SYNPR: variants seen among roughly 807,000 people sequenced by gnomAD.
SYNPR encodes synaptoporin.
Under a neutral mutation model 32.9 loss-of-function variants are expected in SYNPR, and 23 were observed. The ratio of observed to expected loss-of-function variants is 0.70; its 90% CI spans 0.50 to 0.99. SYNPR has a LOEUF of 0.99. SYNPR is among the 50% of genes least tolerant of loss of function. The pLI, the probability that SYNPR is intolerant of heterozygous loss-of-function variation, is 0.00. For missense variants in SYNPR, 318 were observed against 349.3 expected, an observed-to-expected ratio of 0.91 and a Z score of 0.71; for synonymous variants, 146 against 135.9, an observed-to-expected ratio of 1.07 and a Z score of -0.52.
chr3:63,552,149 C>T (rs886581980), intron 3 of SYNPR, among the ~76,000 whole-genome samples: 2 of 151,922 alleles, frequency 1.3e-5, no homozygotes, highest in Non-Finnish European at 2.9e-5. Flanking sequence ...CTGCCTGCCT[C>T]GGCCTCCCAA....
At chr3:63,448,502 C>G (rs1262186660) in intron 2 of SYNPR, among the ~76,000 whole-genome samples, 2 of 152,198 alleles carry the variant, frequency 1.3e-5, no homozygotes, top group African/African-American at 4.8e-5. Context: ...GTTGAACCCA[C>G]ACATCTTTAT....
At chr3:63,402,185 T>A (rs1364805377) in intron 2 of SYNPR, among the ~76,000 whole-genome samples, 1 of 152,126 alleles carries the variant, frequency 6.6e-6, no homozygotes, top group Admixed American at 6.5e-5. Flanking sequence ...TTGGGCTGGA[T>A]AATTCTTCAT....
upstream of SYNPR, among the ~76,000 whole-genome samples, chr3:63,275,501 T>G (rs1303154692): frequency 6.6e-6 from 1 of 152,172 alleles, no homozygotes; most frequent in Admixed American, 6.5e-5. Flanking sequence ...TATGCCACCA[T>G]ATTAGTCAGA....
At chr3:63,420,016 A>G (rs4563405) in intron 2 of SYNPR, among the ~76,000 whole-genome samples, 4,501 of 152,304 alleles carry the variant, frequency 0.03, 219 homozygotes, top group African/African-American at 0.1. Flanking sequence ...TAACAAAGGG[A>G]GTGCAAGATC....
At chr3:63,281,633 C>T (rs2086630997) in intron 2 of SYNPR, among the ~76,000 whole-genome samples, 1 of 152,096 alleles carries the variant, frequency 6.6e-6, no homozygotes, top group African/African-American at 2.4e-5. Context: ...AACACTAATC[C>T]CATTCACAAG....
intron 5 of SYNPR, chr3:63,610,633 T>A (rs974477430): frequency 3.4e-5 from 19 of 561,864 alleles, no homozygotes; most frequent in Admixed American, 1.9e-4. Flanking sequence ...CACTTGTAAA[T>A]GAACACTTTG....
At chr3:63,520,960 G>A (rs1575689527) in intron 3 of SYNPR, among the ~76,000 whole-genome samples, 1 of 152,118 alleles carries the variant, frequency 6.6e-6, no homozygotes, top group South Asian at 2.1e-4. Flanking sequence ...TTGCACATTT[G>A]TGTCCATTTG....
At chr3:63,321,645 G>A (rs900298975) in intron 2 of SYNPR, among the ~76,000 whole-genome samples, 1 of 152,024 alleles carries the variant, frequency 6.6e-6, no homozygotes, top group Non-Finnish European at 1.5e-5. Context: ...GTACATAGCA[G>A]GTGCTTATTA....
chr3:63,538,856 C>T (rs969705629), intron 3 of SYNPR, among the ~76,000 whole-genome samples: 11 of 152,216 alleles, frequency 7.2e-5, no homozygotes, highest in African/African-American at 2.6e-4. Context: ...CTGATATAAT[C>T]TTCAATATGA....
chr3:63,478,808 G>A (rs1390509568), intron 2 of SYNPR, among the ~76,000 whole-genome samples: 3 of 152,166 alleles, frequency 2.0e-5, no homozygotes, highest in African/African-American at 4.8e-5. Context: ...TGGGGCTTTC[G>A]ACTCCATCAT....
At chr3:63,367,342 A>ATTATTTAT (rs3081092) in intron 2 of SYNPR, among the ~76,000 whole-genome samples, 25,317 of 143,564 alleles carry the variant, frequency 0.18, 2,656 homozygotes, top group East Asian at 0.57. Flanking sequence ...TCACTGTTGA[A>ATTATTTAT]TTATTTATTT....
At chr3:63,294,086 T>C (rs2086769974) in intron 2 of SYNPR, among the ~76,000 whole-genome samples, 1 of 152,234 alleles carries the variant, frequency 6.6e-6, no homozygotes, top group South Asian at 2.1e-4. Context: ...ATAATTTTAA[T>C]GTCTATATGT....
chr3:63,432,269 T>A (rs1700009414), intron 2 of SYNPR, among the ~76,000 whole-genome samples: 1 of 152,148 alleles, frequency 6.6e-6, no homozygotes, highest in Middle Eastern at 3.4e-3. Flanking sequence ...AATAAACTAC[T>A]TGCATTTATG....
chr3:63,543,803 A>G (rs936222314), intron 3 of SYNPR, among the ~76,000 whole-genome samples: 3 of 152,102 alleles, frequency 2.0e-5, no homozygotes, highest in Non-Finnish European at 4.4e-5. Flanking sequence ...TCAATGCCCT[A>G]GACACTGTAC....
chr3:63,331,486 A>C (rs758830547), intron 2 of SYNPR, among the ~76,000 whole-genome samples: 1 of 152,098 alleles, frequency 6.6e-6, no homozygotes, highest in African/African-American at 2.4e-5. Flanking sequence ...TCCTCTAATA[A>C]TAACAAAAGG....
At chr3:63,288,167 G>A (rs1360810550) in intron 2 of SYNPR, among the ~76,000 whole-genome samples, 1 of 152,128 alleles carries the variant, frequency 6.6e-6, no homozygotes, top group Non-Finnish European at 1.5e-5. Flanking sequence ...TAAGTCAATA[G>A]CCAGTCTACA....
At chr3:63,545,220 C>A (rs1355901172) in intron 3 of SYNPR, among the ~76,000 whole-genome samples, 1 of 151,990 alleles carries the variant, frequency 6.6e-6, no homozygotes, top group Non-Finnish European at 1.5e-5. Context: ...CTGGTTTTAT[C>A]ATGTTGGACA....
chr3:63,481,865 G>A (rs549999597), intron 3 of SYNPR, among the ~76,000 whole-genome samples: 13 of 152,236 alleles, frequency 8.5e-5, no homozygotes, highest in East Asian at 3.9e-4. Flanking sequence ...GCCGGGCAGC[G>A]GGGCTGGGAT....
chr3:63,238,114 G>T (rs2086212890), intron 1 of SYNPR, among the ~76,000 whole-genome samples: 1 of 152,034 alleles, frequency 6.6e-6, no homozygotes, highest in South Asian at 2.1e-4. Context: ...TTGAGTGAGG[G>T]GCATGACACC....
Sources: allele counts gnomAD v4.1 joint callset (sites outside exome capture counted in the v4.1 genomes callset), GRCh38; gene constraint gnomAD v4.1.1; transcripts MANE v1.5; gene names NCBI Gene and HGNC (gene_info 2026-07-23, HGNC 2026-07-21).